The following C1QTNF3 variants were observed in gnomAD, a reference collection of about 807,000 sequenced individuals.
C1QTNF3 encodes the protein complement C1q tumor necrosis factor-related protein 3.
Under a neutral mutation model 32.6 loss-of-function variants are expected in C1QTNF3, and 26 were observed. The observed-to-expected ratio is 0.80, with a 90% CI of 0.58 to 1.11. The LOEUF (loss-of-function observed/expected upper bound fraction) is 1.11, where lower values mean the gene tolerates loss of function less well. Ranked by LOEUF, C1QTNF3 falls within the 50% of genes least tolerant of loss-of-function variation. The pLI, the probability that C1QTNF3 is intolerant of heterozygous loss-of-function variation, is 0.00. For missense variants in C1QTNF3, 362 were observed against 398.2 expected, an observed-to-expected ratio of 0.91 and a Z score of 0.77; for synonymous variants, 155 against 146.0, an observed-to-expected ratio of 1.06 and a Z score of -0.44.
At chr5:34,082,163 A>T in the C1QTNF3 span, among the ~76,000 whole-genome samples, 1 of 151,580 alleles carries the variant, frequency 6.6e-6, no homozygotes, top group Non-Finnish European at 1.5e-5. Flanking sequence ...AGCAGATATA[A>T]ATGAGATGTT....
the C1QTNF3 span, among the ~76,000 whole-genome samples, chr5:34,091,253 T>C: frequency 6.6e-6 from 1 of 152,276 alleles, no homozygotes; most frequent in Admixed American, 6.5e-5. Context: ...CCTGAGTCTG[T>C]AGAGCGGCCC....
the C1QTNF3 span, among the ~76,000 whole-genome samples, chr5:34,153,967 C>T: frequency 6.7e-6 from 1 of 150,370 alleles, no homozygotes; most frequent in Non-Finnish European, 1.5e-5. Context: ...ATACACATAC[C>T]AAATAATTAG....
the C1QTNF3 span, among the ~76,000 whole-genome samples, chr5:34,154,501 G>A: frequency 6.6e-6 from 1 of 152,132 alleles, no homozygotes; most frequent in African/African-American, 2.4e-5. Flanking sequence ...TTAAAATGCT[G>A]AGAACTAGTT....
chr5:34,212,215 A>C, the C1QTNF3 span, among the ~76,000 whole-genome samples: 1 of 151,578 alleles, frequency 6.6e-6, no homozygotes, highest in Non-Finnish European at 1.5e-5. Context: ...AGAAAGCTGA[A>C]ACTGGATCCC....
At chr5:34,024,100 T>G in intron 4 of C1QTNF3, 92 bp from the exon 5 acceptor site, 1 of 865,876 alleles carries the variant, frequency 1.2e-6, no homozygotes, top group East Asian at 2.6e-5. Context: ...TGCCTTCACA[T>G]GTCTTTTATT....
At chr5:34,128,479 C>G in the C1QTNF3 span, among the ~76,000 whole-genome samples, 4 of 152,226 alleles carry the variant, frequency 2.6e-5, no homozygotes, top group East Asian at 7.7e-4. Context: ...CCCTGGCTGC[C>G]TGGAAAAGCT....
chr5:34,172,681 G>A, the C1QTNF3 span, among the ~76,000 whole-genome samples: 9 of 152,068 alleles, frequency 5.9e-5, no homozygotes, highest in Non-Finnish European at 1.0e-4. Flanking sequence ...ATTCTTTAAC[G>A]TGTTAACCAA....
At chr5:34,178,334 C>T in the C1QTNF3 span, among the ~76,000 whole-genome samples, 1 of 152,116 alleles carries the variant, frequency 6.6e-6, no homozygotes, top group African/African-American at 2.4e-5. Flanking sequence ...AACAAGGGTG[C>T]ATATCCACAA....
the C1QTNF3 span, among the ~76,000 whole-genome samples, chr5:34,225,111 T>C: frequency 6.6e-6 from 1 of 151,956 alleles, no homozygotes; most frequent in African/African-American, 2.4e-5. Flanking sequence ...ATTATGTGCT[T>C]CCAAATGCCA....
chr5:34,203,025 A>T, the C1QTNF3 span, among the ~76,000 whole-genome samples: 2 of 152,214 alleles, frequency 1.3e-5, no homozygotes, highest in East Asian at 3.9e-4. Context: ...TTTCCAGACA[A>T]GCACACACTG....
the C1QTNF3 span, among the ~76,000 whole-genome samples, chr5:34,097,303 T>C: frequency 6.6e-6 from 1 of 152,022 alleles, no homozygotes; most frequent in East Asian, 1.9e-4. Flanking sequence ...ATCATCATCA[T>C]TGTATCTGAC....
chr5:34,219,619 C>G, the C1QTNF3 span, among the ~76,000 whole-genome samples: 1 of 150,562 alleles, frequency 6.6e-6, no homozygotes, highest in Admixed American at 6.6e-5. Context: ...AAAGCCAGAA[C>G]TACTACAACT....
At chr5:34,128,629 A>T in the C1QTNF3 span, among the ~76,000 whole-genome samples, 1 of 152,104 alleles carries the variant, frequency 6.6e-6, no homozygotes, top group Non-Finnish European at 1.5e-5. Context: ...GTCAAAGGAG[A>T]TTATTTCAGA....
chr5:34,043,246 T>C (rs1754919431), upstream of C1QTNF3: 1 of 1,057,260 alleles, frequency 9.5e-7, no homozygotes, highest in African/African-American at 1.6e-5. Context: ...TTTTATACTT[T>C]GGTGTGTAAT....
the C1QTNF3 span, among the ~76,000 whole-genome samples, chr5:34,056,643 G>A: frequency 3.3e-5 from 5 of 151,512 alleles, no homozygotes; most frequent in African/African-American, 1.2e-4. Context: ...TTCCCGAGCA[G>A]CTGAGACTAC....
At position 34,020,447 on chromosome 5, in the gene C1QTNF3, G is replaced by A. The variant is rs1554007104; in HGVS notation, c.*136C>T. 2.0e-6 allele frequency: 2 copies of A among 1,012,298 alleles called. No individual in the cohort carries two copies. Among genetic ancestry groups the A allele is most frequent in the Non-Finnish European group, 1.5e-6 (1 of 679,600 alleles). 62.7% of individuals were successfully genotyped at this position (1,012,298 alleles called of 1,614,324 possible). ...ATTGTCCAACATTATTGGTGTACCT[G>A]TAGCGTGAACAACATTGCAACCAAT... On this transcript the variant is annotated 3_prime_UTR_variant, in exon 6 of 6. Coordinates refer to ENST00000382065, the MANE Select transcript of C1QTNF3 (RefSeq NM_181435.6).
the C1QTNF3 span, among the ~76,000 whole-genome samples, chr5:34,160,487 T>C: frequency 3.8e-4 from 58 of 152,290 alleles, no homozygotes; most frequent in South Asian, 0.012. Flanking sequence ...CAGCATCTAA[T>C]TGGACTACGA....
the C1QTNF3 span, among the ~76,000 whole-genome samples, chr5:34,241,370 T>C: frequency 1.3e-5 from 2 of 151,042 alleles, no homozygotes; most frequent in Non-Finnish European, 3.0e-5. Flanking sequence ...CCCAACAATA[T>C]CATTCTATAC....
intron 1 of C1QTNF3, among the ~76,000 whole-genome samples, chr5:34,039,025 G>A (rs779759628): frequency 1.1e-4 from 17 of 152,142 alleles, no homozygotes; most frequent in Non-Finnish European, 2.4e-4. Context: ...CAGGAGTTGC[G>A]CAAGTGGGCT....
Sources: gnomAD v4.1 joint callset for allele counts (sites outside exome capture counted in the v4.1 genomes callset) on GRCh38, gnomAD v4.1.1 for gene constraint, MANE v1.5 for transcripts, NCBI Gene and HGNC (gene_info 2026-07-23, HGNC 2026-07-21) for gene names.